The following ZFPM1 variants were observed in gnomAD, a reference collection of about 807,000 sequenced individuals.
The protein encoded by ZFPM1 is zinc finger protein ZFPM1.
In ZFPM1, 28 loss-of-function variants were observed where a neutral mutation model predicts 46.3. The observed-to-expected ratio is 0.60, with a 90% CI of 0.45 to 0.83. The LOEUF (loss-of-function observed/expected upper bound fraction) is 0.83, where lower values mean the gene tolerates loss of function less well. ZFPM1 is among the 40% of genes least tolerant of loss of function. ZFPM1 has a pLI of 0.00. For synonymous variants in ZFPM1, 957 were observed against 675.9 expected, an observed-to-expected ratio of 1.42 and a Z score of -6.45; for missense variants, 1,878 against 1,432.4, an observed-to-expected ratio of 1.31 and a Z score of -5.02.
chr16:88,532,486 G>C, intron 7 of ZFPM1, 128 bp from the exon 8 acceptor site: 1 of 1,031,428 alleles, frequency 9.7e-7, no homozygotes, highest in South Asian at 1.6e-5. Flanking sequence ...AGGAGGAGGG[G>C]TTTAAAGACC....
At chr16:88,495,292 G>A (rs11642903) in intron 3 of ZFPM1, among the ~76,000 whole-genome samples, 27,955 of 152,240 alleles carry the variant, frequency 0.18, 2,860 homozygotes, top group East Asian at 0.28. Flanking sequence ...GGAAAAGGCC[G>A]AAGAGCGTGG....
intron 3 of ZFPM1, among the ~76,000 whole-genome samples, chr16:88,493,414 G>A (rs1308089127): frequency 4.2e-5 from 6 of 144,320 alleles, no homozygotes; most frequent in Admixed American, 6.8e-5. Flanking sequence ...AAGCTGTCCC[G>A]GGGTGCGGGG....
chr16:88,513,996 A>C (rs912078017), intron 3 of ZFPM1, among the ~76,000 whole-genome samples: 1 of 152,214 alleles, frequency 6.6e-6, no homozygotes, highest in Non-Finnish European at 1.5e-5. Flanking sequence ...AAATATCAGC[A>C]CGTTCATAGA....
intron 6 of ZFPM1, among the ~76,000 whole-genome samples, chr16:88,531,285 C>A (rs12924015): frequency 1.3e-4 from 20 of 152,112 alleles, no homozygotes; most frequent in Admixed American, 3.3e-4. Flanking sequence ...AAAGACAAAC[C>A]GAGAACACGC....
intron 3 of ZFPM1, among the ~76,000 whole-genome samples, chr16:88,506,018 T>C (rs531945258): frequency 6.6e-6 from 1 of 152,196 alleles, no homozygotes; most frequent in Non-Finnish European, 1.5e-5. Flanking sequence ...TTTGTTAACC[T>C]CTGGCCTGGG....
chr16:88,501,617 T>G (rs1288360725), intron 3 of ZFPM1, among the ~76,000 whole-genome samples: 1 of 127,174 alleles, frequency 7.9e-6, no homozygotes, highest in Non-Finnish European at 1.7e-5. Context: ...CTGGTGATGA[T>G]GGAGATAGTG....
intron 5 of ZFPM1, among the ~76,000 whole-genome samples, chr16:88,527,122 C>T (rs965906430): frequency 2.0e-4 from 31 of 152,126 alleles, no homozygotes; most frequent in Admixed American, 9.8e-4. Context: ...ATGAGGGTCC[C>T]GACTGGCAGG....
chr16:88,453,354 G>T lies in ZFPM1; in HGVS notation c.-285G>T, dbSNP rs1456651513. The T allele has an allele frequency of 6.8e-6, 1 of 146,802 alleles. No homozygotes were observed. Among genetic ancestry groups the T allele is most frequent in the Non-Finnish European group, 1.5e-5 (1 of 65,978 alleles). The allele number at this position is 146,802 out of a possible 1,614,324, so 9.1% of individuals were successfully genotyped here. ...CCCGCGGGTTCCATTGAGAAAAGCC[G>T]AGCGGCCGCGGCGGCGGCGGCGAGT... On this transcript the variant is annotated 5_prime_UTR_variant, in exon 1 of 10. Coordinates refer to ENST00000319555, the MANE Select transcript of ZFPM1 (RefSeq NM_153813.3).
intron 2 of ZFPM1, among the ~76,000 whole-genome samples, chr16:88,487,535 G>A (rs953437017): frequency 2.0e-5 from 3 of 152,188 alleles, no homozygotes; most frequent in Admixed American, 6.5e-5. Flanking sequence ...GGCCAACGGG[G>A]GTGGGGGAGA....
intron 4 of ZFPM1, among the ~76,000 whole-genome samples, chr16:88,520,966 A>G (rs1455185506): frequency 1.4e-5 from 1 of 70,812 alleles, no homozygotes; most frequent in Non-Finnish European, 2.7e-5. Context: ...GATGATGGAC[A>G]GGTGGGTGGA....
chr16:88,531,901 A>C (rs1386978800), intron 6 of ZFPM1, 101 bp from the exon 7 acceptor site: 4 of 1,159,140 alleles, frequency 3.5e-6, no homozygotes, highest in Non-Finnish European at 4.9e-6. Flanking sequence ...GGTGGGGAGG[A>C]CGGTGGGGTC....
rs148828760 is a variant in ZFPM1 at position 88,489,056 on chromosome 16, G to A, written c.171G>A (p.Pro57=). The A allele has an allele frequency of 1.5e-3, 2,363 of 1,612,736 alleles. 5 individuals carry two copies. Among genetic ancestry groups the A allele is most frequent in the Middle Eastern group, 3.3e-3 (20 of 6,052 alleles). ...SADVNSPPPL[P]PPTSPGGPKE... ...ATGTTAACTCACCCCCACCGCTGCC[G>A]CCCCCCACATCCCCAGGAGGCCCCA... The change falls in exon 3 of 10, where the codon CCG becomes CCA. Residue 57 remains proline, a synonymous_variant. Coordinates refer to ENST00000319555, the MANE Select transcript of ZFPM1 (RefSeq NM_153813.3).
At chr16:88,481,272 C>G (rs1399595843) in intron 1 of ZFPM1, among the ~76,000 whole-genome samples, 1 of 152,216 alleles carries the variant, frequency 6.6e-6, no homozygotes, top group Non-Finnish European at 1.5e-5. Context: ...CCACTGACCT[C>G]TGCCAGGCCA....
In ZFPM1 at chr16:88,534,376, C is replaced by G. The variant is rs771681448; in HGVS notation, c.2418C>G (p.Pro806=). ...GCAAGAAGCCGCGGCGCCCGCTCCC[C>G]GGAGCCCCGGCACCGGCGCTGGCCG... is the stretch of plus-strand genomic sequence containing the variant. ...DLSKKPRRPL[P]GAPAPALADY... Residue 806 remains proline (P), a synonymous_variant, in exon 10 of 10, where the codon CCC becomes CCG. Coordinates refer to ENST00000319555, the MANE Select transcript of ZFPM1 (RefSeq NM_153813.3). 3.4e-6 allele frequency: 5 copies of G among 1,449,662 alleles called. No homozygotes were observed. The highest frequency in any genetic ancestry group is 4.5e-6 in the Non-Finnish European group (5 of 1,105,650). 89.8% of individuals were successfully genotyped at this position (1,449,662 alleles called of 1,614,324 possible).
At chr16:88,464,842 T>C (rs1237430151) in intron 1 of ZFPM1, among the ~76,000 whole-genome samples, 1 of 152,058 alleles carries the variant, frequency 6.6e-6, no homozygotes, top group Non-Finnish European at 1.5e-5. Context: ...ATGGAGGAGA[T>C]ACCAGCTTCT....
Position 88,534,148 on chromosome 16 carries a change from G to A in ZFPM1, c.2190G>A (p.Pro730=), listed in dbSNP as rs992027003. 6.2e-6 allele frequency: 6 copies of A among 973,920 alleles called. No homozygotes were observed. Among genetic ancestry groups the A allele is most frequent in the Admixed American group, 1.4e-4 (2 of 14,626 alleles). 60.3% of individuals were successfully genotyped at this position (973,920 alleles called of 1,614,324 possible). A position where few individuals can be genotyped will look rare whatever the true frequency, so the allele number is the denominator to read the frequency against. ...GACCCCCTGGGCCGGCCGCGCCCCC[G>A]GCCCCCTCTCCCGCCGCGCCTGTGC... ...PPGPPGPAAP[P]APSPAAPVRT... The change falls in exon 10 of 10, where the codon CCG becomes CCA. Residue 730 remains proline (P), a synonymous_variant. Transcript: ENST00000319555.
intron 6 of ZFPM1, chr16:88,530,788 C>T (rs1912727078): frequency 6.6e-6 from 1 of 152,320 alleles, no homozygotes; most frequent in Non-Finnish European, 1.5e-5. Flanking sequence ...GGACCCAGCT[C>T]AAGGCCTCAG....
At chr16:88,457,696 G>T (rs1350492963) in intron 1 of ZFPM1, among the ~76,000 whole-genome samples, 1 of 151,346 alleles carries the variant, frequency 6.6e-6, no homozygotes, top group Non-Finnish European at 1.5e-5. Context: ...TCACTACGTT[G>T]CCCAGGCTGG....
chr16:88,479,588 G>C (rs915875466), intron 1 of ZFPM1, among the ~76,000 whole-genome samples: 24 of 152,086 alleles, frequency 1.6e-4, no homozygotes, highest in Non-Finnish European at 1.5e-5. Flanking sequence ...CCGCTGCCCA[G>C]CTGGTGGGAA....
Sources: gnomAD v4.1 joint callset for allele counts (sites outside exome capture counted in the v4.1 genomes callset) on GRCh38, gnomAD v4.1.1 for gene constraint, MANE v1.5 for transcripts, NCBI Gene and HGNC (gene_info 2026-07-23, HGNC 2026-07-21) for gene names.